The following FYB1 variants were observed in gnomAD, a reference collection of about 807,000 sequenced individuals.
FYB1 encodes the protein FYN binding protein 1.
A neutral mutation model predicts 94.1 loss-of-function variants in FYB1; 41 were observed. The observed-to-expected ratio is 0.44, with a 90% CI of 0.34 to 0.57. The LOEUF is 0.57. Ranked by LOEUF, FYB1 falls within the 20% of genes least tolerant of loss-of-function variation. FYB1 has a pLI of 0.02. For synonymous variants in FYB1, 367 were observed against 353.2 expected, an observed-to-expected ratio of 1.04 and a Z score of -0.44; for missense variants, 1,050 against 976.8, an observed-to-expected ratio of 1.07 and a Z score of -1.00.
chr5:39,188,569 A>G (rs1309548180), intron 2 of FYB1, among the ~76,000 whole-genome samples: 1 of 121,848 alleles, frequency 8.2e-6, no homozygotes, highest in Non-Finnish European at 1.6e-5. Context: ...TTTGAGACAG[A>G]GTTTCGCTCT....
At chr5:39,142,741 C>T (rs942462830) in intron 3 of FYB1, among the ~76,000 whole-genome samples, 5 of 152,160 alleles carry the variant, frequency 3.3e-5, no homozygotes, top group African/African-American at 9.7e-5. Context: ...ATTTCTTTCC[C>T]GACTGCAATC....
intron 1 of FYB1, among the ~76,000 whole-genome samples, chr5:39,206,438 A>T (rs1017915278): frequency 6.6e-6 from 1 of 152,226 alleles, no homozygotes; most frequent in Admixed American, 6.5e-5. Flanking sequence ...AATGATTTTT[A>T]AAATGGACAT....
intron 3 of FYB1, among the ~76,000 whole-genome samples, chr5:39,152,046 A>G (rs1743296225): frequency 1.3e-5 from 2 of 152,112 alleles, no homozygotes; most frequent in East Asian, 3.9e-4. Flanking sequence ...AATTTACTTG[A>G]GCTTTCTGAT....
intron 7 of FYB1, among the ~76,000 whole-genome samples, chr5:39,136,796 A>G (rs548178029): frequency 1.3e-5 from 2 of 152,236 alleles, no homozygotes; most frequent in South Asian, 2.1e-4. Flanking sequence ...TCATTTTTAA[A>G]GAAATTTGAA....
intron 1 of FYB1, among the ~76,000 whole-genome samples, chr5:39,247,566 A>G (rs755029549): frequency 3.3e-5 from 5 of 152,174 alleles, no homozygotes; most frequent in Non-Finnish European, 2.9e-5. Flanking sequence ...ATAATTTAAA[A>G]AGAAAAATCT....
chr5:39,181,493 AAGC>A (rs1746228367), intron 2 of FYB1, among the ~76,000 whole-genome samples: 1 of 152,164 alleles, frequency 6.6e-6, no homozygotes, highest in Admixed American at 6.5e-5. Context: ...AAACTCAGAG[AAGC>A]ATCAGGTCCC....
chr5:39,210,868 T>TAA (rs1413948826), intron 1 of FYB1, among the ~76,000 whole-genome samples: 2 of 152,282 alleles, frequency 1.3e-5, no homozygotes, highest in East Asian at 3.9e-4. Flanking sequence ...TACATATAAA[T>TAA]ATATATGAGT....
chr5:39,122,496 A>C, intron 13 of FYB1, 94 bp from the exon 14 acceptor site: 1 of 756,742 alleles, frequency 1.3e-6, no homozygotes, highest in Non-Finnish European at 2.2e-6. Context: ...GATTGCTTCA[A>C]GGACAATAAA....
At chr5:39,230,191 T>G (rs781192181) in intron 1 of FYB1, among the ~76,000 whole-genome samples, 3 of 152,154 alleles carry the variant, frequency 2.0e-5, no homozygotes, top group Non-Finnish European at 4.4e-5. Context: ...ATGAGAAGAT[T>G]ACTCTGGATT....
In FYB1 at chr5:39,236,187, C is replaced by G. The variant is rs75404826; in HGVS notation, c.-27-33200G>C. Among the ~76,000 whole-genome samples the G allele has an allele frequency of 7.7e-3, 1,164 of 151,870 alleles. 24 individuals carry two copies. Among genetic ancestry groups the G allele is most frequent in the African/African-American group, 0.027 (1,104 of 41,420 alleles). On this transcript the variant is annotated intron_variant, in intron 1 of 1. Coordinates refer to the FYB1 transcript ENST00000510188. ...ACGTGGGTTAATGAGAAGATTAACA[C>G]ACCATTTCCTTTGCTTTGAAGTTAA...
intron 17 of FYB1, 83 bp from the exon 18 acceptor site, chr5:39,108,345 T>C (rs1561116682): frequency 2.5e-6 from 3 of 1,201,390 alleles, no homozygotes; most frequent in Non-Finnish European, 2.3e-6. Context: ...AGAGTAACAG[T>C]ATAATTTTAT....
Position 39,202,879 on chromosome 5 carries a change from AG to A in FYB1, c.81del (p.Ser28HisfsTer56). On this transcript the variant is annotated frameshift_variant, in exon 2 of 19. Coordinates refer to ENST00000512982, the MANE Select transcript of FYB1 (RefSeq NM_001465.6). LOFTEE classifies it high-confidence loss of function. ...TTTCTTGCTTGTATTCCTGAAGATG[AG>A]TTTGGCCCTGTGACTCTGAAGGGTC... ...NSRPFRVTGPNSSSGIQARKN... is the reference protein window; with the variant it reads ...NSRPFRVTGPXSSSGIQARKN... 6.2e-7 allele frequency: 1 copy of A among 1,613,714 alleles called. No homozygotes were observed.
chr5:39,173,715 T>C (rs912080886), intron 2 of FYB1, among the ~76,000 whole-genome samples: 1 of 151,810 alleles, frequency 6.6e-6, no homozygotes, highest in Non-Finnish European at 1.5e-5. Flanking sequence ...TCTCCATTGC[T>C]TATTTTTGTC....
chr5:39,123,292 G>A lies in FYB1; in HGVS notation c.2072-890C>T, dbSNP rs571301141. On this transcript the variant is annotated intron_variant, in intron 13 of 18. Transcript: ENST00000512982. Reference sequence around the variant, plus strand: ...GTATTCAGGTTAACTAATTTCACACGATGAAACTTGCTCAGCTGCGTGAAA... The same window carrying A: ...GTATTCAGGTTAACTAATTTCACACAATGAAACTTGCTCAGCTGCGTGAAA... Among the ~76,000 whole-genome samples the A allele has an allele frequency of 1.6e-4, 25 of 152,214 alleles. No individual in the cohort carries two copies. In the South Asian group the frequency reaches 3.9e-3, roughly 24 times the overall value.
At position 39,262,999 on chromosome 5, in the gene FYB1, TTC is replaced by T. The variant is rs536252363; in HGVS notation, c.-28+11402_-28+11403del. 5.6e-3 allele frequency among the ~76,000 whole-genome samples: 853 copies of T among 152,328 alleles called. 3 individuals carry two copies. The highest frequency in any genetic ancestry group is 7.2e-3 in the Non-Finnish European group (492 of 68,034). ...AAAAGGGCAGAAAGGGACTTTAATT[TTC>T]TCTTTTTTAGTTTTAAAATAGATGC... On this transcript the variant is annotated intron_variant, in intron 1 of 1. Transcript: ENST00000510188.
At chr5:39,205,085 C>T (rs774832456) in intron 1 of FYB1, among the ~76,000 whole-genome samples, 3 of 152,024 alleles carry the variant, frequency 2.0e-5, no homozygotes, top group Non-Finnish European at 2.9e-5. Context: ...GGACCCCAAA[C>T]GTCACTACAA....
chr5:39,177,687 T>C (rs1730808807), intron 2 of FYB1, among the ~76,000 whole-genome samples: 1 of 152,238 alleles, frequency 6.6e-6, no homozygotes. Context: ...CAACATTTTA[T>C]ATATGAAATG....
At chr5:39,249,160 A>G (rs1751609151) in intron 1 of FYB1, among the ~76,000 whole-genome samples, 1 of 142,576 alleles carries the variant, frequency 7.0e-6, no homozygotes, top group Non-Finnish European at 1.5e-5. Flanking sequence ...GCTGGAGTGT[A>G]AGGTTTAAGG....
intron 1 of FYB1, among the ~76,000 whole-genome samples, chr5:39,257,896 A>G (rs765898198): frequency 3.2e-4 from 48 of 152,156 alleles, no homozygotes; most frequent in Non-Finnish European, 5.6e-4. Flanking sequence ...TTAAAATTCA[A>G]CAGGCAGTTA....
Sources: allele counts gnomAD v4.1 joint callset (sites outside exome capture counted in the v4.1 genomes callset), GRCh38; gene constraint gnomAD v4.1.1; transcripts MANE v1.5; gene names NCBI Gene and HGNC (gene_info 2026-07-23, HGNC 2026-07-21).